Variants in TRABD2B observed in about 807,000 individuals in gnomAD.
The protein encoded by TRABD2B is metalloprotease TIKI2.
TRABD2B carries 14 observed loss-of-function variants against 40.1 expected under a neutral mutation model. The observed-to-expected ratio is 0.35, with a 90% CI of 0.23 to 0.55. The LOEUF (loss-of-function observed/expected upper bound fraction) is 0.55, where lower values mean the gene tolerates loss of function less well. Ranked by LOEUF, TRABD2B falls within the 20% of genes least tolerant of loss-of-function variation. The pLI is 0.90. For synonymous variants in TRABD2B, 263 were observed against 277.0 expected (o/e 0.95, Z 0.50); for missense variants, 541 against 648.6 (o/e 0.83, Z 1.80).
At chr1:47,842,328 C>T (rs1645410211) in intron 2 of TRABD2B, among the ~76,000 whole-genome samples, 1 of 152,172 alleles carries the variant, frequency 6.6e-6, no homozygotes, top group African/African-American at 2.4e-5. Flanking sequence ...TTGACCACCC[C>T]CAGGGCTCAG....
intron 6 of TRABD2B, among the ~76,000 whole-genome samples, chr1:47,773,380 G>A (rs1644401667): frequency 6.6e-6 from 1 of 152,268 alleles, no homozygotes; most frequent in African/African-American, 2.4e-5. Context: ...CCACAGTAAT[G>A]CCTCTGCCTT....
rs1311649080 is a variant in TRABD2B, at chr1:47,760,858, A to C, written c.*5044T>G. ...GCCCACCCCAGCCACTGGGGACCCA[A>C]GATGTCTGAGAGCCCTTTGTCCCTG... On this transcript the variant is annotated 3_prime_UTR_variant, in exon 7 of 7. Transcript: ENST00000606738. 3 of 152,200 alleles carry C rather than the reference A, an allele frequency of 2.0e-5. No homozygotes were observed. The highest frequency in any genetic ancestry group is 7.2e-5 in the African/African-American group (3 of 41,442). The allele number at this position is 152,200 out of a possible 1,614,324, so 9.4% of individuals were successfully genotyped here. A position where few individuals can be genotyped will look rare whatever the true frequency, so the allele number is the denominator to read the frequency against.
At chr1:47,884,524 T>C (rs1186714294) in intron 2 of TRABD2B, among the ~76,000 whole-genome samples, 3 of 152,222 alleles carry the variant, frequency 2.0e-5, no homozygotes, top group African/African-American at 7.2e-5. Flanking sequence ...GAAGAGCATG[T>C]GTTTCATCCT....
intron 2 of TRABD2B, among the ~76,000 whole-genome samples, chr1:47,831,666 G>A (rs1645251670): frequency 6.6e-6 from 1 of 152,192 alleles, no homozygotes; most frequent in Non-Finnish European, 1.5e-5. Flanking sequence ...GAAAGTCGAA[G>A]CCGTGGAGGA....
intron 2 of TRABD2B, among the ~76,000 whole-genome samples, chr1:47,840,867 T>C (rs60390081): frequency 0.044 from 6,659 of 152,264 alleles, 331 homozygotes; most frequent in East Asian, 0.21. Context: ...TCTGTGGCTG[T>C]AGCTCACCTG....
chr1:47,896,561 T>C (rs1045378991), intron 2 of TRABD2B, among the ~76,000 whole-genome samples: 1 of 152,094 alleles, frequency 6.6e-6, no homozygotes, highest in African/African-American at 2.4e-5. Flanking sequence ...TTCCCAAAGA[T>C]GTTGTAGCGA....
intron 2 of TRABD2B, 133 bp from the exon 3 acceptor site, chr1:47,801,752 C>G: frequency 8.9e-7 from 1 of 1,122,418 alleles, no homozygotes; most frequent in Middle Eastern, 3.1e-4. Context: ...CTGGCACCAG[C>G]TGGCTCAGGC....
chr1:47,968,873 C>T (rs995288240), intron 2 of TRABD2B, among the ~76,000 whole-genome samples: 13 of 152,168 alleles, frequency 8.5e-5, no homozygotes, highest in African/African-American at 1.4e-4. Flanking sequence ...TTTGGGGTTG[C>T]GATTTCAGTA....
At chr1:47,782,996 C>T (rs550612058) in intron 4 of TRABD2B, among the ~76,000 whole-genome samples, 3 of 151,576 alleles carry the variant, frequency 2.0e-5, no homozygotes, top group Admixed American at 6.6e-5. Flanking sequence ...GCTGAGGCCT[C>T]GTGGATGAGA....
At chr1:47,904,010 G>A (rs1473559846) in intron 2 of TRABD2B, among the ~76,000 whole-genome samples, 3 of 152,178 alleles carry the variant, frequency 2.0e-5, no homozygotes, top group African/African-American at 7.2e-5. Flanking sequence ...GGCCCTATGT[G>A]ATGAACCCAT....
chr1:47,891,595 G>A (rs760587007), intron 2 of TRABD2B, among the ~76,000 whole-genome samples: 8 of 152,112 alleles, frequency 5.3e-5, no homozygotes, highest in Non-Finnish European at 8.8e-5. Flanking sequence ...CCAGGAGTTC[G>A]AGACTAGCCT....
At chr1:47,933,575 GATGTATATAA>G (rs1309189409) in intron 2 of TRABD2B, among the ~76,000 whole-genome samples, 1 of 152,144 alleles carries the variant, frequency 6.6e-6, no homozygotes, top group African/African-American at 2.4e-5. Flanking sequence ...TCTCCACTTT[GATGTATATAA>G]ATAGCAGCTG....
intron 2 of TRABD2B, among the ~76,000 whole-genome samples, chr1:47,973,064 G>A (rs1316127424): frequency 6.6e-6 from 1 of 152,142 alleles, no homozygotes; most frequent in African/African-American, 2.4e-5. Context: ...CGCAATAGCT[G>A]GTGTTCAATA....
At chr1:47,934,988 C>T (rs2148348260) in intron 2 of TRABD2B, among the ~76,000 whole-genome samples, 1 of 152,290 alleles carries the variant, frequency 6.6e-6, no homozygotes, top group Non-Finnish European at 1.5e-5. Context: ...CCTGCTAATG[C>T]CCTCTCTTTA....
At chr1:47,901,633 G>C (rs1644601062) in intron 2 of TRABD2B, among the ~76,000 whole-genome samples, 1 of 152,220 alleles carries the variant, frequency 6.6e-6, no homozygotes, top group South Asian at 2.1e-4. Flanking sequence ...GGAGTTCATG[G>C]TCTAATGGAA....
At chr1:47,953,442 G>C (rs954887752) in intron 2 of TRABD2B, among the ~76,000 whole-genome samples, 44 of 152,068 alleles carry the variant, frequency 2.9e-4, no homozygotes, top group African/African-American at 1.0e-3. Flanking sequence ...ATGGTCCTTT[G>C]CTTTTAAAAT....
At chr1:47,795,439 C>A (rs1328966425) in intron 3 of TRABD2B, among the ~76,000 whole-genome samples, 2 of 152,188 alleles carry the variant, frequency 1.3e-5, no homozygotes, top group Non-Finnish European at 2.9e-5. Context: ...CTGGTGCTGG[C>A]AAGTACAAGG....
chr1:47,847,516 G>A (rs894136189), intron 2 of TRABD2B, among the ~76,000 whole-genome samples: 1 of 152,190 alleles, frequency 6.6e-6, no homozygotes, highest in Non-Finnish European at 1.5e-5. Context: ...CCCTCTCACT[G>A]GACTGATGGG....
chr1:47,766,245 AC>A, intron 6 of TRABD2B, 139 bp from the exon 7 acceptor site: 1 of 622,006 alleles, frequency 1.6e-6, no homozygotes, highest in South Asian at 1.9e-5. Flanking sequence ...GAGCAGGCAA[AC>A]CGGGCAGCCC....
Sources: allele counts gnomAD v4.1 joint callset (sites outside exome capture counted in the v4.1 genomes callset), GRCh38; gene constraint gnomAD v4.1.1; transcripts MANE v1.5; gene names NCBI Gene and HGNC (gene_info 2026-07-23, HGNC 2026-07-21).